The following FAM117B variants were observed in gnomAD, a reference collection of about 807,000 sequenced individuals.
FAM117B encodes the protein family with sequence similarity 117 member B.
A neutral mutation model predicts 52.8 loss-of-function variants in FAM117B; 22 were observed. The observed-to-expected ratio is 0.42, with a 90% CI of 0.30 to 0.59. The LOEUF (loss-of-function observed/expected upper bound fraction) is 0.59. FAM117B is among the 20% of genes least tolerant of loss of function. The probability of loss-of-function intolerance (pLI) is 0.22; values close to 1 mark genes in which losing one functional copy is unlikely to be tolerated. For synonymous variants in FAM117B, 309 were observed against 324.1 expected (o/e 0.95, Z 0.50); for missense variants, 678 against 802.6 (o/e 0.84, Z 1.88).
chr2:202,719,170 G>A lies in FAM117B; in HGVS notation c.754-5747G>A, dbSNP rs146994694. On this transcript the variant is annotated intron_variant, in intron 2 of 7. Transcript: ENST00000392238. ...AAGAAAGCAATTGTCTTTTACATTA[G>A]GCATATAAGTAAAACTGATGTTTTT... Among the ~76,000 whole-genome samples the A allele has an allele frequency of 9.9e-4, 150 of 152,248 alleles. 1 individual carries two copies. The highest frequency in any genetic ancestry group is 1.9e-3 in the South Asian group (9 of 4,824).
At position 202,647,892 on chromosome 2, in the gene FAM117B, A is replaced by T. The variant is rs529418534; in HGVS notation, c.601+12104A>T. 3.3e-5 allele frequency among the ~76,000 whole-genome samples: 5 copies of T among 152,350 alleles called. No homozygotes were observed. In the East Asian group the frequency reaches 9.6e-4, roughly 29 times the overall value. Reference sequence around the variant, plus strand: ...TAGCAGTTGAGATGAAATTAGTGCTAGTTTAACCCAAAAGAAATTTACTGA... The same window carrying T: ...TAGCAGTTGAGATGAAATTAGTGCTTGTTTAACCCAAAAGAAATTTACTGA... On this transcript the variant is annotated intron_variant, in intron 1 of 7. Transcript: ENST00000392238.
intron 2 of FAM117B, among the ~76,000 whole-genome samples, chr2:202,705,880 C>A (rs1432764998): frequency 6.6e-6 from 1 of 152,138 alleles, no homozygotes; most frequent in Non-Finnish European, 1.5e-5. Flanking sequence ...TTTGGGATTC[C>A]TTTGACTCAG....
At chr2:202,650,382 C>A (rs1404399147) in intron 1 of FAM117B, among the ~76,000 whole-genome samples, 1 of 151,928 alleles carries the variant, frequency 6.6e-6, no homozygotes, top group Non-Finnish European at 1.5e-5. Flanking sequence ...ACAGAGTAGG[C>A]CATGGACTTT....
intron 2 of FAM117B, among the ~76,000 whole-genome samples, chr2:202,700,015 G>A (rs1359823829): frequency 6.6e-6 from 1 of 152,130 alleles, no homozygotes; most frequent in African/African-American, 2.4e-5. Flanking sequence ...ATATAAGACG[G>A]GGAACTTAAT....
At chr2:202,664,827 A>G (rs1690178765) in intron 1 of FAM117B, among the ~76,000 whole-genome samples, 1 of 152,262 alleles carries the variant, frequency 6.6e-6, no homozygotes, top group East Asian at 1.9e-4. Context: ...GGGTCAGTGT[A>G]TTAGTTTTCT....
At chr2:202,754,803 T>A (rs1332262936) in intron 4 of FAM117B, among the ~76,000 whole-genome samples, 5 of 141,482 alleles carry the variant, frequency 3.5e-5, no homozygotes, top group Non-Finnish European at 7.5e-5. Context: ...GGCAGAAGAG[T>A]CGCTTGAACA....
chr2:202,652,652 T>C (rs1215970022), intron 1 of FAM117B, among the ~76,000 whole-genome samples: 2 of 152,070 alleles, frequency 1.3e-5, no homozygotes, highest in Non-Finnish European at 2.9e-5. Context: ...AATTGTTGGG[T>C]GATTGGTAGA....
At chr2:202,714,162 A>G (rs1691001324) in intron 2 of FAM117B, among the ~76,000 whole-genome samples, 3 of 152,304 alleles carry the variant, frequency 2.0e-5, no homozygotes, top group South Asian at 2.1e-4. Flanking sequence ...CACTGTGGTC[A>G]GTGAAGATGC....
At chr2:202,655,707 T>TGAGAGACAGAGAGAGAGAGAGA (rs1398513491) in intron 1 of FAM117B, among the ~76,000 whole-genome samples, 2 of 98,838 alleles carry the variant, frequency 2.0e-5, no homozygotes, top group African/African-American at 3.5e-5. Context: ...GGGAAGAGAG[T>TGAGAGACAGAGAGAGAGAGAGA]GAGAGAGAGA....
chr2:202,724,264 C>G (rs149807813), intron 2 of FAM117B, among the ~76,000 whole-genome samples: 1 of 152,002 alleles, frequency 6.6e-6, no homozygotes, highest in Non-Finnish European at 1.5e-5. Flanking sequence ...AGGCTGTTCT[C>G]GAACTCCTGA....
At position 202,741,681 on chromosome 2, in the gene FAM117B, C is replaced by T. The variant is rs185204070; in HGVS notation, c.961-13857C>T. ...CCTCCCAAGTAGCTGGGACTACAGG[C>T]GCCCGCCACCTCGCCTGACTGATTT... On this transcript the variant is annotated intron_variant, in intron 4 of 7. Transcript: ENST00000392238. 5.3e-5 allele frequency among the ~76,000 whole-genome samples: 8 copies of T among 151,892 alleles called. No homozygotes were observed. In the East Asian group the frequency reaches 5.9e-4, roughly 11 times the overall value.
intron 1 of FAM117B, among the ~76,000 whole-genome samples, chr2:202,653,869 C>CA (rs1354615530): frequency 2.0e-5 from 3 of 152,084 alleles, no homozygotes; most frequent in African/African-American, 7.2e-5. Context: ...AATGGTCTTC[C>CA]AGGTTCTCTC....
intron 2 of FAM117B, among the ~76,000 whole-genome samples, chr2:202,708,106 C>T (rs1043498183): frequency 3.3e-5 from 5 of 152,096 alleles, no homozygotes; most frequent in African/African-American, 1.2e-4. Context: ...GATCTACTCT[C>T]AACAAAATTT....
Position 202,696,012 on chromosome 2 carries a change from A to G in FAM117B, c.733A>G (p.Met245Val). 1.2e-6 allele frequency: 2 copies of G among 1,614,178 alleles called. No homozygotes were observed. Among genetic ancestry groups the G allele is most frequent in the Non-Finnish European group, 1.7e-6 (2 of 1,180,012 alleles). ...TAGCCATGGGCAAGCTGCACCTTGCATGAGGGACAAAGCTACACAGGTAAG... is the reference window on the plus strand; with the variant it reads ...TAGCCATGGGCAAGCTGCACCTTGCGTGAGGGACAAAGCTACACAGGTAAG... Reference protein sequence around the residue: ...RDSHGQAAPCMRDKATQTESA... With the variant: ...RDSHGQAAPCVRDKATQTESA... Residue 245 changes from methionine to valine, a missense_variant, in exon 2 of 8, where the codon ATG becomes GTG. Transcript: ENST00000392238.
At chr2:202,716,309 A>T (rs1428797322) in intron 2 of FAM117B, among the ~76,000 whole-genome samples, 1 of 151,574 alleles carries the variant, frequency 6.6e-6, no homozygotes, top group Non-Finnish European at 1.5e-5. Context: ...GCAGCAGATC[A>T]TTGGGTGTGT....
intron 4 of FAM117B, among the ~76,000 whole-genome samples, chr2:202,731,332 A>AAAATAT (rs1553522256): frequency 9.7e-5 from 3 of 30,770 alleles, no homozygotes; most frequent in Non-Finnish European, 3.1e-4. Flanking sequence ...GAGAAATTGG[A>AAAATAT]ATATATATAT....
chr2:202,766,547 G>A lies in FAM117B; in HGVS notation c.*783G>A, dbSNP rs1464181598. ...ACTCCTGTACACATTTCACCATGTG[G>A]TCAGAAAAGTTGTAGTCTGAAGACA... On this transcript the variant is annotated 3_prime_UTR_variant, in exon 8 of 8. Transcript: ENST00000392238. 1.3e-5 allele frequency: 2 copies of A among 152,624 alleles called. No homozygotes were observed. The highest frequency in any genetic ancestry group is 4.8e-5 in the African/African-American group (2 of 41,450). The allele number at this position is 152,624 out of a possible 1,614,324, so 9.5% of individuals were successfully genotyped here.
chr2:202,737,181 A>T (rs1307656004), intron 4 of FAM117B, among the ~76,000 whole-genome samples: 1 of 152,228 alleles, frequency 6.6e-6, no homozygotes, highest in South Asian at 2.1e-4. Flanking sequence ...AAAAAAAAAA[A>T]ATTCTTCCCA....
chr2:202,698,107 G>A (rs554047003), intron 2 of FAM117B, among the ~76,000 whole-genome samples: 1 of 152,248 alleles, frequency 6.6e-6, no homozygotes, highest in Non-Finnish European at 1.5e-5. Flanking sequence ...CTGACCTCAA[G>A]TGATCTGCCA....
Sources: gnomAD v4.1 joint callset for allele counts (sites outside exome capture counted in the v4.1 genomes callset) on GRCh38, gnomAD v4.1.1 for gene constraint, MANE v1.5 for transcripts, NCBI Gene and HGNC (gene_info 2026-07-23, HGNC 2026-07-21) for gene names.